ARHGAP31: variants seen among roughly 807,000 people sequenced by gnomAD.
ARHGAP31 encodes rho GTPase-activating protein 31.
Under a neutral mutation model 113.9 loss-of-function variants are expected in ARHGAP31, and 34 were observed. That is an observed-to-expected ratio of 0.30 (90% confidence interval 0.23 to 0.40). The LOEUF (loss-of-function observed/expected upper bound fraction) is 0.40, where lower values mean the gene tolerates loss of function less well. ARHGAP31 is among the 10% of genes least tolerant of loss of function. The pLI is 1.00. For missense variants in ARHGAP31, 1,548 were observed against 1,767.1 expected, an observed-to-expected ratio of 0.88 and a Z score of 2.22; for synonymous variants, 650 against 684.8, an observed-to-expected ratio of 0.95 and a Z score of 0.79.
intron 1 of ARHGAP31, among the ~76,000 whole-genome samples, chr3:119,326,053 G>C (rs757203541): frequency 6.6e-6 from 1 of 152,090 alleles, no homozygotes; most frequent in Non-Finnish European, 1.5e-5. Flanking sequence ...TTAGCCGGGC[G>C]TGGTGGTGGG....
At chr3:119,393,106 C>A (rs914041611) in intron 7 of ARHGAP31, among the ~76,000 whole-genome samples, 1 of 152,174 alleles carries the variant, frequency 6.6e-6, no homozygotes, top group Non-Finnish European at 1.5e-5. Flanking sequence ...TGAATGGTGT[C>A]TTTGAAATTC....
rs573860255 is a variant in ARHGAP31, at chr3:119,357,170, G to A, written c.101-8146G>A. On this transcript the variant is annotated intron_variant, in intron 1 of 11. Coordinates refer to ENST00000264245, the MANE Select transcript of ARHGAP31 (RefSeq NM_020754.4). ...ATAATTCTAGAAAGTGCCACAAAGG[G>A]AGGAGGCACAGGAGAGATAAGAACA... 3.3e-5 allele frequency among the ~76,000 whole-genome samples: 5 copies of A among 152,332 alleles called. No individual in the cohort carries two copies. The South Asian group carries it at 1.0e-3, about 32-fold the overall frequency.
chr3:119,344,596 T>C (rs1200866554), intron 1 of ARHGAP31, among the ~76,000 whole-genome samples: 1 of 152,250 alleles, frequency 6.6e-6, no homozygotes, highest in East Asian at 1.9e-4. Flanking sequence ...ATTGGGCCAC[T>C]GTTCCAAGCA....
intron 3 of ARHGAP31, among the ~76,000 whole-genome samples, chr3:119,371,125 T>C (rs2080293591): frequency 1.3e-5 from 2 of 152,246 alleles, no homozygotes; most frequent in Admixed American, 6.5e-5. Flanking sequence ...CATCTTTGAA[T>C]ATGATAGAAT....
Position 119,401,850 on chromosome 3 carries a change from A to G in ARHGAP31, c.1098A>G (p.Arg366=). The G allele has an allele frequency of 2.5e-6, 4 of 1,613,894 alleles. No individual in the cohort carries two copies. Among genetic ancestry groups the G allele is most frequent in the Non-Finnish European group, 3.4e-6 (4 of 1,179,992 alleles). Residue 366 remains arginine (R), a synonymous_variant, in exon 10 of 12, where the codon CGA becomes CGG. Coordinates refer to ENST00000264245, the MANE Select transcript of ARHGAP31 (RefSeq NM_020754.4). The stretch of plus-strand genomic sequence containing the variant: ...AAGAAACCAAGGGAAATTTCAATCG[A>G]ACAGTTACCACCGGTGGATTTTTCA... ...EGKETKGNFN[R]TVTTGGFFIP...
At chr3:119,407,328 C>A in intron 10 of ARHGAP31, among the ~76,000 whole-genome samples, 1 of 125,582 alleles carries the variant, frequency 8.0e-6, no homozygotes, top group Non-Finnish European at 1.6e-5. Flanking sequence ...GCCTGGGCGA[C>A]AGAGCAAGAC....
chr3:119,401,708 G>C (rs2080608895), intron 9 of ARHGAP31, 114 bp from the exon 10 acceptor site: 2 of 991,172 alleles, frequency 2.0e-6, no homozygotes, highest in African/African-American at 3.2e-5. Flanking sequence ...TTATGCCCCT[G>C]TTAGAATGCT....
chr3:119,302,338 C>A (rs957055615), intron 1 of ARHGAP31, among the ~76,000 whole-genome samples: 1 of 152,228 alleles, frequency 6.6e-6, no homozygotes, highest in African/African-American at 2.4e-5. Flanking sequence ...AACAAACAGG[C>A]TGACTGTAAT....
chr3:119,413,439 T>C (rs2080736578), intron 11 of ARHGAP31, among the ~76,000 whole-genome samples: 1 of 152,222 alleles, frequency 6.6e-6, no homozygotes, highest in Admixed American at 6.6e-5. Flanking sequence ...TGCCTTCTAA[T>C]GAACCTGAAG....
rs189783636 is a variant in ARHGAP31, at chr3:119,395,919, A to G, written c.1006+2328A>G. On this transcript the variant is annotated intron_variant, in intron 8 of 11. Coordinates refer to ENST00000264245, the MANE Select transcript of ARHGAP31 (RefSeq NM_020754.4). ...TATGGCAAGACAGATGCAAATCAGA[A>G]AATAGGATTCTTAAGGGAGAAACTG... 3.4e-3 allele frequency among the ~76,000 whole-genome samples: 518 copies of G among 152,332 alleles called. 6 individuals are homozygous for G. The highest frequency in any genetic ancestry group is 4.6e-3 in the Non-Finnish European group (311 of 68,032).
intron 1 of ARHGAP31, among the ~76,000 whole-genome samples, chr3:119,315,596 C>T (rs2079722318): frequency 6.6e-6 from 1 of 152,218 alleles, no homozygotes; most frequent in African/African-American, 2.4e-5. Context: ...CTCGCTAAGA[C>T]ATCAGGCTGA....
chr3:119,326,964 C>T (rs1030820736), intron 1 of ARHGAP31, among the ~76,000 whole-genome samples: 3 of 151,684 alleles, frequency 2.0e-5, no homozygotes, highest in African/African-American at 7.3e-5. Context: ...ACGGTGAAAC[C>T]CTGTCTCTAC....
At chr3:119,345,145 C>T (rs886425632) in intron 1 of ARHGAP31, among the ~76,000 whole-genome samples, 2 of 151,912 alleles carry the variant, frequency 1.3e-5, no homozygotes, top group Non-Finnish European at 2.9e-5. Context: ...CCACCATGCC[C>T]GGCTAATTTT....
intron 3 of ARHGAP31, among the ~76,000 whole-genome samples, chr3:119,375,269 G>T (rs2080336521): frequency 6.6e-6 from 1 of 152,170 alleles, no homozygotes; most frequent in Non-Finnish European, 1.5e-5. Context: ...TTTCAGCAGG[G>T]CGTGCTCTCT....
At chr3:119,332,266 C>A (rs2079897715) in intron 1 of ARHGAP31, among the ~76,000 whole-genome samples, 1 of 151,890 alleles carries the variant, frequency 6.6e-6, no homozygotes, top group African/African-American at 2.4e-5. Flanking sequence ...ATGGCATGAT[C>A]TCGGCTCACT....
Position 119,409,684 on chromosome 3 carries a change from G to T in ARHGAP31, c.1834G>T (p.Val612Leu), listed in dbSNP as rs1360315889. ...LEKRPNPEKV[V>L]EEGREAGEME... ...GAAGAGGCCAAATCCGGAGAAGGTGGTGGAGGAGGGACGAGAGGCTGGTGA... is the reference window on the plus strand; with the variant it reads ...GAAGAGGCCAAATCCGGAGAAGGTGTTGGAGGAGGGACGAGAGGCTGGTGA... Residue 612 changes from valine to leucine, a missense_variant, in exon 11 of 12, where the codon GTG (valine) becomes TTG (leucine). Transcript: ENST00000264245. 1.2e-6 allele frequency: 2 copies of T among 1,611,624 alleles called. No individual in the cohort carries two copies. Among genetic ancestry groups the T allele is most frequent in the Admixed American group, 1.7e-5 (1 of 59,688 alleles).
At chr3:119,383,880 G>T (rs1043530655) in intron 6 of ARHGAP31, among the ~76,000 whole-genome samples, 1 of 152,180 alleles carries the variant, frequency 6.6e-6, no homozygotes, top group Non-Finnish European at 1.5e-5. Context: ...AAGAAGCTTG[G>T]TGCATGAGAG....
intron 1 of ARHGAP31, among the ~76,000 whole-genome samples, chr3:119,307,952 A>AAAAAAAAAAAAAAAAAAAAC (rs2079645251): frequency 6.7e-6 from 1 of 148,802 alleles, no homozygotes; most frequent in Non-Finnish European, 1.5e-5. Context: ...AAAAAAAAAA[A>AAAAAAAAAAAAAAAAAAAAC]AAAAAAAAGC....
In ARHGAP31 at chr3:119,390,889, C is replaced by G. The variant is rs1220061432; in HGVS notation, c.787C>G (p.Pro263Ala). The G allele has an allele frequency of 1.9e-6, 3 of 1,614,156 alleles. No individual in the cohort carries two copies. The African/African-American group carries it at 4.0e-5, about 22-fold the overall frequency. The change falls in exon 7 of 12, where the codon CCT (proline) becomes GCT (alanine). Residue 263 changes from proline (P) to alanine (A), a missense_variant. By Grantham distance (27) the Pro-to-Ala change is conservative (BLOSUM62 -1). Transcript: ENST00000264245. ...AQARSLATNH[P>A]ARKERRENSL... Reference sequence around the variant, plus strand: ...AGCCCGCAGCCTGGCCACTAACCATCCTGCTCGCAAGGAAAGGAGGGAGAA... The same window carrying G: ...AGCCCGCAGCCTGGCCACTAACCATGCTGCTCGCAAGGAAAGGAGGGAGAA...
Sources: gnomAD v4.1 joint callset for allele counts (sites outside exome capture counted in the v4.1 genomes callset) on GRCh38, gnomAD v4.1.1 for gene constraint, MANE v1.5 for transcripts, NCBI Gene and HGNC (gene_info 2026-07-23, HGNC 2026-07-21) for gene names.